SMOC2: variants seen among roughly 807,000 people sequenced by gnomAD.
SMOC2 encodes the protein SPARC related modular calcium binding 2.
In SMOC2, 39 loss-of-function variants were observed where a neutral mutation model predicts 61.4. The observed-to-expected ratio is 0.64, with a 90% CI of 0.49 to 0.83. The LOEUF is 0.83. Among genes scored for constraint, SMOC2 ranks in the 40% least tolerant of loss-of-function variants. SMOC2 has a pLI of 0.00. For missense variants in SMOC2, 556 were observed against 592.9 expected (o/e 0.94, Z 0.65); for synonymous variants, 247 against 239.9 (o/e 1.03, Z -0.27).
chr6:168,502,930 C>T lies in SMOC2; in HGVS notation c.85-6985C>T, dbSNP rs146415376. Among the ~76,000 whole-genome samples, 704 of 151,648 alleles carry T rather than the reference C, an allele frequency of 4.6e-3. 4 individuals carry two copies. The highest frequency in any genetic ancestry group is 0.016 in the African/African-American group (663 of 41,304). ...TATAGGTGTGTGTCACCACGCCTGG[C>T]TAATTTTTTGTATTTTTAGTAGAGG... On this transcript the variant is annotated intron_variant, in intron 1 of 12. Transcript: ENST00000356284.
At chr6:168,542,631 G>A (rs1010152847) in intron 4 of SMOC2, among the ~76,000 whole-genome samples, 9 of 152,084 alleles carry the variant, frequency 5.9e-5, no homozygotes, top group African/African-American at 2.2e-4. Context: ...GTGTTTAGGG[G>A]TGTCTGGGCA....
chr6:168,470,739 A>G (rs1172313458), intron 1 of SMOC2, among the ~76,000 whole-genome samples: 1 of 152,142 alleles, frequency 6.6e-6, no homozygotes, highest in African/African-American at 2.4e-5. Context: ...ATCCTGTGAC[A>G]TTACTTTGTT....
intron 1 of SMOC2, among the ~76,000 whole-genome samples, chr6:168,472,622 T>C (rs1781988488): frequency 6.6e-6 from 1 of 152,164 alleles, no homozygotes. Flanking sequence ...GATAAGACTT[T>C]CCGTGTTGCT....
intron 1 of SMOC2, among the ~76,000 whole-genome samples, chr6:168,458,262 G>C (rs987311112): frequency 2.7e-5 from 4 of 150,532 alleles, no homozygotes; most frequent in African/African-American, 7.3e-5. Context: ...CGGGGGCATC[G>C]TGCTGCCTGC....
At chr6:168,474,983 A>G (rs1267273516) in intron 1 of SMOC2, among the ~76,000 whole-genome samples, 2 of 152,190 alleles carry the variant, frequency 1.3e-5, no homozygotes, top group Non-Finnish European at 2.9e-5. Flanking sequence ...CTTCTCATCT[A>G]GAACTAAGGA....
At chr6:168,490,542 G>A (rs1782451109) in intron 1 of SMOC2, among the ~76,000 whole-genome samples, 1 of 152,184 alleles carries the variant, frequency 6.6e-6, no homozygotes, top group Non-Finnish European at 1.5e-5. Flanking sequence ...GCAAAGTGGT[G>A]TGCCAAGTGA....
chr6:168,529,841 T>A (rs1783543196), intron 4 of SMOC2, among the ~76,000 whole-genome samples: 1 of 152,226 alleles, frequency 6.6e-6, no homozygotes, highest in African/African-American at 2.4e-5. Context: ...ACCTGTGAGA[T>A]CGTGGTCAAC....
chr6:168,505,337 G>C (rs1782847443), intron 1 of SMOC2, among the ~76,000 whole-genome samples: 1 of 152,086 alleles, frequency 6.6e-6, no homozygotes, highest in Non-Finnish European at 1.5e-5. Context: ...TGAATGAAAT[G>C]TCCATCTCTC....
intron 7 of SMOC2, among the ~76,000 whole-genome samples, chr6:168,555,570 C>A (rs4708750): frequency 0.98 from 149,246 of 152,274 alleles, 73,153 homozygotes; most frequent in East Asian, 1. Flanking sequence ...GGACGTATGG[C>A]GTCCACGGCC....
chr6:168,655,726 A>G (rs765578834), intron 11 of SMOC2, among the ~76,000 whole-genome samples: 6 of 150,172 alleles, frequency 4.0e-5, no homozygotes, highest in Non-Finnish European at 8.9e-5. Flanking sequence ...GGATCCCCTC[A>G]CACATGTGTG....
intron 12 of SMOC2, chr6:168,664,384 C>CTATTTTTTTTTTTTTT (rs1787601402): frequency 3.5e-6 from 1 of 283,094 alleles, no homozygotes; most frequent in African/African-American, 4.0e-5. Flanking sequence ...TTTGGTAGAT[C>CTATTTTTTTTTTTTTT]TTTTTTTTTT....
chr6:168,592,171 T>A (rs1254420920), intron 7 of SMOC2, among the ~76,000 whole-genome samples: 2 of 152,202 alleles, frequency 1.3e-5, no homozygotes, highest in Non-Finnish European at 2.9e-5. Flanking sequence ...CTTCCCTATT[T>A]CCCTAGTTCT....
In SMOC2 at chr6:168,566,479, C is replaced by CTT. The variant is rs10553952; in HGVS notation, c.637+17296_637+17297dup. ...CTTTATTATGGATATTGTAGCACTT[C>CTT]TTTTTTTTTTTTTTTTTTTTTGAAA... On this transcript the variant is annotated intron_variant, in intron 7 of 12. Transcript: ENST00000356284. Among the ~76,000 whole-genome samples the CTT allele has an allele frequency of 2.6e-3, 310 of 118,226 alleles. 2 individuals carry two copies. The highest frequency in any genetic ancestry group is 4.7e-3 in the East Asian group (19 of 4,034). The allele number at this position is 118,226 out of a possible 152,430, so 77.6% of individuals were successfully genotyped here. A position where few individuals can be genotyped will look rare whatever the true frequency, so the allele number is the denominator to read the frequency against.
chr6:168,613,767 CA>C, intron 9 of SMOC2, among the ~76,000 whole-genome samples: 1 of 99,070 alleles, frequency 1.0e-5, no homozygotes, highest in South Asian at 3.6e-4. Context: ...CTACAGCCAG[CA>C]CAGGGCCTCT....
intron 11 of SMOC2, among the ~76,000 whole-genome samples, chr6:168,658,104 G>A (rs1787373596): frequency 6.6e-6 from 1 of 152,232 alleles, no homozygotes; most frequent in Admixed American, 6.5e-5. Context: ...CTGATGGGGA[G>A]ATGGAGAGCA....
At chr6:168,612,478 T>C (rs9456242) in intron 9 of SMOC2, among the ~76,000 whole-genome samples, 24,217 of 140,518 alleles carry the variant, frequency 0.17, 2,710 homozygotes, top group Middle Eastern at 0.26. Context: ...ACCGCAGCCT[T>C]TACTCAAACA....
At chr6:168,506,101 G>T (rs2749254) in intron 1 of SMOC2, among the ~76,000 whole-genome samples, 1 of 151,584 alleles carries the variant, frequency 6.6e-6, no homozygotes, top group African/African-American at 2.4e-5. Flanking sequence ...CCCATTCCCC[G>T]GGCTCAAGTG....
intron 1 of SMOC2, among the ~76,000 whole-genome samples, chr6:168,502,232 C>T (rs117130458): frequency 0.037 from 5,712 of 152,334 alleles, 181 homozygotes; most frequent in South Asian, 0.16. Context: ...CAAACACTTT[C>T]TCGTGCACTA....
intron 11 of SMOC2, 102 bp from the exon 12 acceptor site, chr6:168,663,972 A>G (rs938607768): frequency 6.1e-5 from 58 of 946,968 alleles, no homozygotes; most frequent in Non-Finnish European, 8.5e-5. Flanking sequence ...AATTGATAAC[A>G]CCTTCCTAAA....
Sources: allele counts gnomAD v4.1 joint callset (sites outside exome capture counted in the v4.1 genomes callset), GRCh38; gene constraint gnomAD v4.1.1; transcripts MANE v1.5; gene names NCBI Gene and HGNC (gene_info 2026-07-23, HGNC 2026-07-21).